The following GASK1B variants were observed in gnomAD, a reference collection of about 807,000 sequenced individuals.
The protein encoded by GASK1B is Golgi-associated kinase 1B.
GASK1B carries 34 observed loss-of-function variants against 42.8 expected under a neutral mutation model. The ratio of observed to expected loss-of-function variants is 0.79; its 90% confidence interval spans 0.60 to 1.06. GASK1B has a LOEUF of 1.06. Among genes scored for constraint, GASK1B ranks in the 50% least tolerant of loss-of-function variants. GASK1B has a pLI of 0.00. For missense variants in GASK1B, 686 were observed against 661.0 expected, an observed-to-expected ratio of 1.04 and a Z score of -0.42; for synonymous variants, 262 against 259.1, an observed-to-expected ratio of 1.01 and a Z score of -0.11.
intron 3 of GASK1B, among the ~76,000 whole-genome samples, chr4:158,140,633 T>C (rs537023145): frequency 1.9e-4 from 29 of 152,284 alleles, no homozygotes; most frequent in African/African-American, 6.5e-4. Flanking sequence ...TGCTCGAGCA[T>C]ACCCATCAAG....
At chr4:158,170,422 GA>G in intron 2 of GASK1B, 43 bp downstream of exon 2, 1 of 1,614,158 alleles carries the variant, frequency 6.2e-7, no homozygotes, top group East Asian at 2.2e-5. Flanking sequence ...AAATGAACCA[GA>G]ATCCCCAACA....
chr4:158,171,919 C>T (rs1732561210), intron 1 of GASK1B, among the ~76,000 whole-genome samples: 1 of 152,058 alleles, frequency 6.6e-6, no homozygotes, highest in African/African-American at 2.4e-5. Flanking sequence ...GAACTTAAGA[C>T]AAGTAATAGA....
chr4:158,134,427 A>G (rs1210148076), intron 3 of GASK1B, among the ~76,000 whole-genome samples: 1 of 152,158 alleles, frequency 6.6e-6, no homozygotes, highest in Non-Finnish European at 1.5e-5. Context: ...CAAGAAGGCT[A>G]TTTGGGGATA....
intron 2 of GASK1B, among the ~76,000 whole-genome samples, chr4:158,165,951 ATTCT>A (rs1250599898): frequency 6.6e-6 from 1 of 152,228 alleles, no homozygotes; most frequent in African/African-American, 2.4e-5. Context: ...ATCACACTAG[ATTCT>A]TTGTCACAAT....
intron 3 of GASK1B, among the ~76,000 whole-genome samples, chr4:158,147,791 T>C (rs1731389474): frequency 6.6e-6 from 1 of 151,996 alleles, no homozygotes; most frequent in Admixed American, 6.5e-5. Context: ...AGACATAGGA[T>C]TGACAAACGT....
At chr4:158,158,657 G>A (rs1309514721) in intron 2 of GASK1B, among the ~76,000 whole-genome samples, 1 of 151,990 alleles carries the variant, frequency 6.6e-6, no homozygotes, top group Non-Finnish European at 1.5e-5. Flanking sequence ...AATATTTTAG[G>A]TTTTGAGGGC....
At position 158,170,801 on chromosome 4, in the gene GASK1B, C is replaced by A. The variant is rs201221389; in HGVS notation, c.575G>T (p.Gly192Val). The A allele has an allele frequency of 1.9e-6, 3 of 1,614,014 alleles. No homozygotes were observed. The highest frequency in any genetic ancestry group is 3.3e-5 in the Admixed American group (2 of 60,002). ...LVRGPGVRAG[G>V]PDFLQPSSRE... ...GGAGCTGGGCTGCAGGAAGTCTGGG[C>A]CCCCGGCTCGCACTCCCGGACCCCG... Residue 192 changes from glycine to valine, a missense_variant, in exon 2 of 5, where the codon GGC (glycine) becomes GTC (valine). Gly to Val is a moderately radical substitution (Grantham distance 109). Coordinates refer to ENST00000585682, the MANE Select transcript of GASK1B (RefSeq NM_001128424.2).
At chr4:158,131,930 C>T (rs997210438) in intron 3 of GASK1B, among the ~76,000 whole-genome samples, 1 of 152,138 alleles carries the variant, frequency 6.6e-6, no homozygotes, top group South Asian at 2.1e-4. Flanking sequence ...CCCTCTGTCC[C>T]TGTCCCAAGC....
rs112529461 is a variant in GASK1B at position 158,129,859 on chromosome 4, T to A, written c.1352+927A>T. 3.7e-4 allele frequency among the ~76,000 whole-genome samples: 57 copies of A among 152,284 alleles called. 1 individual carries two copies. In the Middle Eastern group the frequency reaches 0.01, roughly 27 times the overall value. The stretch of plus-strand genomic sequence containing the variant: ...TGACTAAGATGGGAAGTATGGAGAG[T>A]GGCTCTGCCCACTAGGCAGTGGAGC... On this transcript the variant is annotated intron_variant, in intron 4 of 4. Transcript: ENST00000585682.
chr4:158,149,927 T>TTTTTTTTTTTTC lies in GASK1B; in HGVS notation c.1125+5683_1125+5684insGAAAAAAAAAAA, dbSNP rs1731487070. ...TAGATTTTGTTCTGCATGCTGCTTT[T>TTTTTTTTTTTTC]TTTTTTTTTTTTTTTGAGACGGAGT... On this transcript the variant is annotated intron_variant, in intron 3 of 4. Transcript: ENST00000585682. 1.9e-5 allele frequency among the ~76,000 whole-genome samples: 2 copies of TTTTTTTTTTTTC among 105,950 alleles called. 1 individual carries two copies. The highest frequency in any genetic ancestry group is 3.8e-5 in the Non-Finnish European group (2 of 52,210). The allele number at this position is 105,950 out of a possible 152,430, so 69.5% of individuals were successfully genotyped here.
chr4:158,167,316 T>C (rs181766738), intron 2 of GASK1B: 74 of 152,342 alleles, frequency 4.9e-4, no homozygotes, highest in Admixed American at 4.8e-3. Flanking sequence ...CACTAGAGTG[T>C]GATGCCAACA....
rs1319826673 is a variant in GASK1B, at chr4:158,160,705, G to A, written c.911-4880C>T. Among the ~76,000 whole-genome samples the A allele has an allele frequency of 2.0e-5, 3 of 152,124 alleles. No individual in the cohort carries two copies. The East Asian group carries it at 5.8e-4, about 29-fold the overall frequency. The stretch of plus-strand genomic sequence containing the variant: ...GCTAAGATATGGAAGCAACCTAGGT[G>A]TCCATCATCAGAAAATGGATAAGAA... On this transcript the variant is annotated intron_variant, in intron 2 of 4. Coordinates refer to ENST00000585682, the MANE Select transcript of GASK1B (RefSeq NM_001128424.2).
At chr4:158,157,198 A>T (rs1224194179) in intron 2 of GASK1B, among the ~76,000 whole-genome samples, 1 of 152,122 alleles carries the variant, frequency 6.6e-6, no homozygotes, top group African/African-American at 2.4e-5. Context: ...TAGCCTTGCA[A>T]TGTAGGCCAG....
intron 3 of GASK1B, among the ~76,000 whole-genome samples, chr4:158,132,149 G>A (rs1462703403): frequency 1.3e-5 from 2 of 151,680 alleles, no homozygotes; most frequent in Non-Finnish European, 2.9e-5. Context: ...GGATTTAGAC[G>A]TGGATTTGTT....
At position 158,171,100 on chromosome 4, in the gene GASK1B, AG is replaced by A; in HGVS notation, c.275del (p.Pro92LeufsTer34). 1 of 1,609,524 alleles carries A rather than the reference AG, an allele frequency of 6.2e-7. No individual in the cohort carries two copies. The highest frequency in any genetic ancestry group is 8.5e-7 in the Non-Finnish European group (1 of 1,176,562). On this transcript the variant is annotated frameshift_variant, in exon 2 of 5. Transcript: ENST00000585682. LOFTEE classifies it high-confidence loss of function. ...TGGACCCATTGCCCTGGGACTCTGG[AG>A]GGGCCAGGGTACCATCCAGGGGTAT... Reference protein sequence around the residue: ...PEIPLDGTLAPPESQGNGSTL... With the variant: ...PEIPLDGTLAXPESQGNGSTL...
intron 3 of GASK1B, among the ~76,000 whole-genome samples, chr4:158,132,510 A>G (rs945524965): frequency 2.0e-5 from 3 of 152,210 alleles, no homozygotes; most frequent in Non-Finnish European, 2.9e-5. Flanking sequence ...ACCACTTCCA[A>G]TGGAAAATTG....
intron 2 of GASK1B, 119 bp from the exon 3 acceptor site, chr4:158,155,944 C>A: frequency 1.3e-6 from 1 of 749,714 alleles, no homozygotes; most frequent in African/African-American, 1.8e-5. Flanking sequence ...AGAGTTTAAT[C>A]TGACAATATT....
rs995222935 is a variant in GASK1B at position 158,125,851 on chromosome 4, A to G, written c.*1556T>C. 5 of 152,072 alleles carry G rather than the reference A, an allele frequency of 3.3e-5. No homozygotes were observed. The highest frequency in any genetic ancestry group is 1.2e-4 in the African/African-American group (5 of 41,432). 9.4% of individuals were successfully genotyped at this position (152,072 alleles called of 1,614,324 possible). Reference sequence around the variant, plus strand: ...GTCCATCTTCTCTTATACTTAAAACATTATTTTGACATTTTGTTCTACAAT... The same window carrying G: ...GTCCATCTTCTCTTATACTTAAAACGTTATTTTGACATTTTGTTCTACAAT... On this transcript the variant is annotated 3_prime_UTR_variant, in exon 5 of 5. Transcript: ENST00000585682.
In GASK1B at chr4:158,127,092, C is replaced by T. The variant is rs1057138749; in HGVS notation, c.*315G>A. The T allele has an allele frequency of 9.5e-6, 2 of 210,450 alleles. No individual in the cohort carries two copies. The highest frequency in any genetic ancestry group is 1.8e-4 in the South Asian group (2 of 10,990). The allele number at this position is 210,450 out of a possible 1,614,324, so 13.0% of individuals were successfully genotyped here. On this transcript the variant is annotated 3_prime_UTR_variant, in exon 5 of 5. Transcript: ENST00000585682. ...CTCTGGTTTGCAGTTTTCTATTAAA[C>T]AGCATGACAAATGTTTTCAAAACTT...
Sources: gnomAD v4.1 joint callset for allele counts (sites outside exome capture counted in the v4.1 genomes callset) on GRCh38, gnomAD v4.1.1 for gene constraint, MANE v1.5 for transcripts, NCBI Gene and HGNC (gene_info 2026-07-23, HGNC 2026-07-21) for gene names.